UTP4: variants seen among roughly 807,000 people sequenced by gnomAD.
UTP4 encodes U3 small nucleolar RNA-associated protein 4 homolog.
Under a neutral mutation model 82.4 loss-of-function variants are expected in UTP4, and 45 were observed. That is an observed-to-expected ratio of 0.55 (90% CI 0.43 to 0.70). The LOEUF (loss-of-function observed/expected upper bound fraction) is 0.70. UTP4 is among the 30% of genes least tolerant of loss of function. The pLI is 0.00. For synonymous variants in UTP4, 348 were observed against 300.3 expected, an observed-to-expected ratio of 1.16 and a Z score of -1.64; for missense variants, 819 against 858.3, an observed-to-expected ratio of 0.95 and a Z score of 0.57.
At chr16:69,156,049 T>C in intron 11 of UTP4, 56 bp downstream of exon 11, 1 of 1,583,850 alleles carries the variant, frequency 6.3e-7, no homozygotes, top group South Asian at 1.1e-5. Context: ...AATATGTCAT[T>C]TTTGTGTGAA....
chr16:69,136,927 C>G (rs773076853), intron 3 of UTP4, 40 bp downstream of exon 3: 1 of 1,545,130 alleles, frequency 6.5e-7, no homozygotes, highest in Non-Finnish European at 9.0e-7. Flanking sequence ...CAAAATTTCT[C>G]TCGTGCCTGC....
chr16:69,162,048 A>G (rs1309171681), intron 13 of UTP4, among the ~76,000 whole-genome samples: 1 of 150,000 alleles, frequency 6.7e-6, no homozygotes, highest in African/African-American at 2.5e-5. Flanking sequence ...GCTCACTGCA[A>G]CCTCCGCCTC....
rs114094690 is a variant in UTP4 at position 69,158,982 on chromosome 16, A to G, written c.1445-1374A>G. Among the ~76,000 whole-genome samples, 753 of 152,338 alleles carry G rather than the reference A, an allele frequency of 4.9e-3. 3 individuals are homozygous for G. The highest frequency in any genetic ancestry group is 0.018 in the African/African-American group (734 of 41,572). ...GACGTGCCCATCCTCCCTTAGTGCT[A>G]AATACACAGCAGGCATCCAATAAAT... On this transcript the variant is annotated intron_variant, in intron 12 of 16. Transcript: ENST00000314423.
At chr16:69,159,166 TC>T (rs1266945230) in intron 12 of UTP4, among the ~76,000 whole-genome samples, 3 of 152,070 alleles carry the variant, frequency 2.0e-5, no homozygotes, top group Admixed American at 6.5e-5. Flanking sequence ...AACCTTTGCC[TC>T]CCAGGTTCAA....
chr16:69,149,380 C>CAA (rs199910168), intron 6 of UTP4, among the ~76,000 whole-genome samples: 1 of 150,538 alleles, frequency 6.6e-6, no homozygotes, highest in Admixed American at 6.6e-5. Context: ...AACTCTGTCT[C>CAA]AAAAAAAACA....
rs1456620784 is a variant in UTP4 at position 69,160,577 on chromosome 16, C to G, written c.1551+115C>G. The G allele has an allele frequency of 6.9e-6, 5 of 720,728 alleles. No homozygotes were observed. The Admixed American group carries it at 7.5e-5, about 11-fold the overall frequency. 44.6% of individuals were successfully genotyped at this position (720,728 alleles called of 1,614,324 possible). On this transcript the variant is annotated intron_variant, in intron 13 of 16. Coordinates refer to ENST00000314423, the MANE Select transcript of UTP4 (RefSeq NM_032830.3). Reference sequence around the variant, plus strand: ...ACCTGGAAATTTATTAGACTTTTTTCTTTTTATTTTCTTTTCTTTTCTTTT... The same window carrying G: ...ACCTGGAAATTTATTAGACTTTTTTGTTTTTATTTTCTTTTCTTTTCTTTT...
chr16:69,153,507 G>A, intron 8 of UTP4, 77 bp from the exon 9 acceptor site: 4 of 967,664 alleles, frequency 4.1e-6, no homozygotes, highest in South Asian at 4.1e-5. Context: ...ATGTGCTAAG[G>A]TGGTGCTACT....
chr16:69,157,072 G>T lies in UTP4; in HGVS notation c.1288-12G>T, dbSNP rs1290133875. ...CTTCTCTCACTGGCTTTTATTATTG[G>T]TTCACCCAAAGGTTTCCAAAATGCC... On this transcript the variant is annotated splice_polypyrimidine_tract_variant and intron_variant, in intron 11 of 16. Transcript: ENST00000314423. 1.2e-6 allele frequency: 2 copies of T among 1,614,064 alleles called. No homozygotes were observed. The highest frequency in any genetic ancestry group is 1.7e-6 in the Non-Finnish European group (2 of 1,179,986).
At chr16:69,136,020 ACT>A (rs1243126658) in intron 2 of UTP4, among the ~76,000 whole-genome samples, 1 of 152,148 alleles carries the variant, frequency 6.6e-6, no homozygotes, top group East Asian at 1.9e-4. Flanking sequence ...TAAGAGCGAA[ACT>A]CTGTCTCCAA....
At chr16:69,142,574 A>G (rs7202297) in intron 5 of UTP4, among the ~76,000 whole-genome samples, 2 of 152,132 alleles carry the variant, frequency 1.3e-5, no homozygotes, top group Non-Finnish European at 2.9e-5. Context: ...GGGGTCCCCA[A>G]TTCCTGAGTC....
Position 69,147,216 on chromosome 16 carries a change from A to ATAATAG in UTP4, c.739-3316_739-3315insGTAATA, listed in dbSNP as rs1555536598. On this transcript the variant is annotated intron_variant, in intron 6 of 16. Transcript: ENST00000314423. Reference sequence around the variant, plus strand: ...AATAATAATAATAATAATAATAATAATAATAAGCCGGGCGTGGTGACTCAC... The same window carrying ATAATAG: ...AATAATAATAATAATAATAATAATAATAATAGTAATAAGCCGGGCGTGGTGACTCAC... 8.8e-5 allele frequency among the ~76,000 whole-genome samples: 13 copies of ATAATAG among 147,254 alleles called. No homozygotes were observed. In the East Asian group the frequency reaches 2.4e-3, roughly 27 times the overall value.
intron 8 of UTP4, among the ~76,000 whole-genome samples, chr16:69,151,626 T>C (rs1162290738): frequency 1.3e-5 from 1 of 75,132 alleles, no homozygotes; most frequent in Non-Finnish European, 2.7e-5. Context: ...AGCCCCTGCC[T>C]TTTTTTTTTT....
chr16:69,166,862 C>T, intron 15 of UTP4: 2 of 571,432 alleles, frequency 3.5e-6, no homozygotes, highest in Middle Eastern at 4.7e-4. Context: ...CTCTTTCTCC[C>T]TCTCTCTCCT....
At position 69,166,971 on chromosome 16, in the gene UTP4, T is replaced by G. The variant is rs1047923841; in HGVS notation, c.1834-104T>G. 5.0e-6 allele frequency: 4 copies of G among 793,360 alleles called. No individual in the cohort carries two copies. The African/African-American group carries it at 6.8e-5, about 13-fold the overall frequency. The allele number at this position is 793,360 out of a possible 1,614,324, so 49.1% of individuals were successfully genotyped here. A position where few individuals can be genotyped will look rare whatever the true frequency, so the allele number is the denominator to read the frequency against. On this transcript the variant is annotated intron_variant, in intron 15 of 16. Transcript: ENST00000314423. ...ATGTCAGGGAGGTACTGAATATATA[T>G]GATGGTTAGAAGATGATGTTGGGCT...
Position 69,157,153 on chromosome 16 carries a change from T to C in UTP4, c.1357T>C (p.Phe453Leu), listed in dbSNP as rs1963438373. ...ILFSEDSTKL[F>L]VASNQGALHI... is the part of the protein sequence containing the mutation. The stretch of plus-strand genomic sequence containing the variant: ...GTTTTCTGAAGATTCAACAAAGCTC[T>C]TTGTAGCATCAAATCAAGGAGCTCT... The change falls in exon 12 of 17, where the codon TTT becomes CTT. Residue 453 changes from phenylalanine (F) to leucine (L), a missense_variant. Phe to Leu is a conservative substitution (Grantham distance 22). Coordinates refer to ENST00000314423, the MANE Select transcript of UTP4 (RefSeq NM_032830.3). 1 of 1,614,252 alleles carries C rather than the reference T, an allele frequency of 6.2e-7. No individual in the cohort carries two copies. Among genetic ancestry groups the C allele is most frequent in the South Asian group, 1.1e-5 (1 of 91,090 alleles).
chr16:69,150,135 T>A (rs1316226888), intron 6 of UTP4, among the ~76,000 whole-genome samples: 1 of 152,250 alleles, frequency 6.6e-6, no homozygotes, highest in East Asian at 1.9e-4. Flanking sequence ...ATTTCTTTAG[T>A]GATAATAACT....
chr16:69,160,191 A>G (rs570127214), intron 12 of UTP4, among the ~76,000 whole-genome samples, 165 bp from the exon 13 acceptor site: 4 of 152,348 alleles, frequency 2.6e-5, no homozygotes, highest in Admixed American at 2.0e-4. Context: ...AGATGAAAAA[A>G]GTAGAAACAT....
chr16:69,136,484 A>T (rs1962818256), intron 2 of UTP4, among the ~76,000 whole-genome samples: 3 of 152,270 alleles, frequency 2.0e-5, no homozygotes, highest in Non-Finnish European at 4.4e-5. Flanking sequence ...GTTTTGCCGA[A>T]CTAGTCCTAG....
At chr16:69,137,414 C>G (rs1272415171) in intron 3 of UTP4, among the ~76,000 whole-genome samples, 3 of 152,148 alleles carry the variant, frequency 2.0e-5, no homozygotes, top group Non-Finnish European at 4.4e-5. Flanking sequence ...TATTTTTGAT[C>G]TGCACTAATT....
Sources: allele counts gnomAD v4.1 joint callset (sites outside exome capture counted in the v4.1 genomes callset), GRCh38; gene constraint gnomAD v4.1.1; transcripts MANE v1.5; gene names NCBI Gene and HGNC (gene_info 2026-07-23, HGNC 2026-07-21).